Variants in ZNF57 observed in about 807,000 individuals in gnomAD.
ZNF57 encodes the protein zinc finger protein 424.
Under a neutral mutation model 13.4 loss-of-function variants are expected in ZNF57, and 11 were observed. That is an observed-to-expected ratio of 0.82 (90% CI 0.52 to 1.36). The LOEUF (loss-of-function observed/expected upper bound fraction) is 1.36. ZNF57 is among the 40% of genes most tolerant of loss of function. ZNF57 has a pLI of 0.00. For synonymous variants in ZNF57, 224 were observed against 238.5 expected (o/e 0.94, Z 0.56); for missense variants, 696 against 667.5 (o/e 1.04, Z -0.47).
At position 2,917,433 on chromosome 19, in the gene ZNF57, T is replaced by C. The variant is rs767937995; in HGVS notation, c.812T>C (p.Met271Thr). The C allele has an allele frequency of 6.2e-7, 1 of 1,614,168 alleles. No homozygotes were observed. Among genetic ancestry groups the C allele is most frequent in the South Asian group, 1.1e-5 (1 of 91,078 alleles). ...TATCCCTCGACATTTCAAAGACACA[T>C]GACAACACACACTGGAGAGAAGCCC... The part of the protein sequence containing the change: ...FIYPSTFQRH[M>T]TTHTGEKPYK... The change falls in exon 4 of 4, where the codon ATG (methionine) becomes ACG (threonine). Residue 271 changes from methionine to threonine, a missense_variant. Met to Thr is a moderately conservative substitution (Grantham distance 81). Coordinates refer to ENST00000306908, the MANE Select transcript of ZNF57 (RefSeq NM_173480.3).
At chr19:2,911,304 G>A (rs1346944499) in intron 1 of ZNF57, among the ~76,000 whole-genome samples, 1 of 152,116 alleles carries the variant, frequency 6.6e-6, no homozygotes, top group African/African-American at 2.4e-5. Flanking sequence ...GCCGAGGTGG[G>A]TGGATCACCT....
Position 2,917,105 on chromosome 19 carries a change from C to T in ZNF57, c.484C>T (p.His162Tyr). The change falls in exon 4 of 4, where the codon CAC (histidine) becomes TAC (tyrosine). Residue 162 changes from histidine to tyrosine, a missense_variant. Physicochemically the swap from His to Tyr is moderately conservative, Grantham distance 83 (BLOSUM62 2). This residue lies in a region of ZNF57 where 645 missense variants were observed against 591.5 expected (regional missense o/e 1.09). Coordinates refer to ENST00000306908, the MANE Select transcript of ZNF57 (RefSeq NM_173480.3). ...LSSLKRHVKSHCGRKAPPGEE... is the reference protein window; with the variant it reads ...LSSLKRHVKSYCGRKAPPGEE... The stretch of plus-strand genomic sequence containing the variant: ...TTCTCTTAAAAGGCACGTCAAGTCT[C>T]ACTGTGGACGAAAAGCACCTCCAGG... 4.3e-6 allele frequency: 7 copies of T among 1,614,048 alleles called. No individual in the cohort carries two copies. Among genetic ancestry groups the T allele is most frequent in the Non-Finnish European group, 5.9e-6 (7 of 1,179,900 alleles).
intron 1 of ZNF57, among the ~76,000 whole-genome samples, chr19:2,901,468 G>A (rs761031569): frequency 1.3e-5 from 2 of 152,150 alleles, no homozygotes; most frequent in African/African-American, 4.8e-5. Flanking sequence ...CAAGTGGGCT[G>A]AGTCTGAGAA....
At chr19:2,901,986 A>G (rs2088034225) in intron 1 of ZNF57, among the ~76,000 whole-genome samples, 1 of 151,978 alleles carries the variant, frequency 6.6e-6, no homozygotes, top group African/African-American at 2.4e-5. Flanking sequence ...GAATATTACA[A>G]AGTACCTTCA....
chr19:2,908,198 G>A (rs775269650), intron 1 of ZNF57, among the ~76,000 whole-genome samples: 1 of 152,158 alleles, frequency 6.6e-6, no homozygotes, highest in Non-Finnish European at 1.5e-5. Context: ...TCTTTGTTCT[G>A]TTGGGGTTTT....
chr19:2,914,534 C>A (rs1321533868), intron 1 of ZNF57, among the ~76,000 whole-genome samples: 1 of 152,178 alleles, frequency 6.6e-6, no homozygotes, highest in African/African-American at 2.4e-5. Flanking sequence ...GGATTACAGG[C>A]GTGAGCCACT....
intron 1 of ZNF57, among the ~76,000 whole-genome samples, chr19:2,902,702 C>G (rs2088040021): frequency 6.6e-6 from 1 of 152,126 alleles, no homozygotes. Context: ...ACCTGTAAAA[C>G]TGAGGCGTGT....
At position 2,916,067 on chromosome 19, in the gene ZNF57, T is replaced by C. The variant is rs766515801; in HGVS notation, c.131-11T>C. 3 of 1,604,070 alleles carry C rather than the reference T, an allele frequency of 1.9e-6. No individual in the cohort carries two copies. The South Asian group carries it at 3.3e-5, about 18-fold the overall frequency. On this transcript the variant is annotated splice_polypyrimidine_tract_variant and intron_variant, in intron 2 of 3. Coordinates refer to ENST00000306908, the MANE Select transcript of ZNF57 (RefSeq NM_173480.3). ...TATTCCTTTTGAGATTTGTTTACTT[T>C]TTTGTTGCAGATGATGGGACTCAAT...
Position 2,900,965 on chromosome 19 carries a change from C to A in ZNF57, c.-81C>A. On this transcript the variant is annotated 5_prime_UTR_variant, in exon 1 of 4. Transcript: ENST00000306908. Reference sequence around the variant, plus strand: ...CGTGCCCTGCCTACCACGAGCGGCCCGGGAGTACCTGTACCTTTCAGCTGC... The same window carrying A: ...CGTGCCCTGCCTACCACGAGCGGCCAGGGAGTACCTGTACCTTTCAGCTGC... 6.5e-7 allele frequency: 1 copy of A among 1,534,072 alleles called. No individual in the cohort carries two copies. Among genetic ancestry groups the A allele is most frequent in the Non-Finnish European group, 8.8e-7 (1 of 1,135,776 alleles).
chr19:2,904,629 C>T (rs754978250), intron 1 of ZNF57, among the ~76,000 whole-genome samples: 3 of 152,084 alleles, frequency 2.0e-5, no homozygotes, highest in Non-Finnish European at 4.4e-5. Context: ...GCAACCTCCA[C>T]CTCCCGGGTT....
chr19:2,905,285 C>T (rs1445981724), intron 1 of ZNF57, among the ~76,000 whole-genome samples: 1 of 151,816 alleles, frequency 6.6e-6, no homozygotes, highest in Non-Finnish European at 1.5e-5. Flanking sequence ...CTGCCTCAGC[C>T]TCCCGAGTAG....
intron 1 of ZNF57, among the ~76,000 whole-genome samples, 188 bp downstream of exon 1, chr19:2,901,236 C>T (rs890043790): frequency 1.6e-5 from 2 of 125,064 alleles, no homozygotes; most frequent in Non-Finnish European, 3.3e-5. Flanking sequence ...TTTGGGGGGA[C>T]GGAAGGGGCG....
intron 1 of ZNF57, among the ~76,000 whole-genome samples, chr19:2,908,404 CAT>C (rs976840860): frequency 1.3e-5 from 2 of 149,142 alleles, no homozygotes; most frequent in African/African-American, 2.5e-5. Flanking sequence ...GCTTTACTGA[CAT>C]ATAGAACGTA....
intron 1 of ZNF57, among the ~76,000 whole-genome samples, chr19:2,911,633 G>A (rs573239703): frequency 1.8e-3 from 281 of 151,980 alleles, no homozygotes; most frequent in African/African-American, 4.9e-3. Context: ...CAATCCTCCC[G>A]CCCCAGCCTC....
chr19:2,916,313 C>T, intron 3 of ZNF57, 64 bp downstream of exon 3: 1 of 1,363,628 alleles, frequency 7.3e-7, no homozygotes, highest in African/African-American at 1.5e-5. Flanking sequence ...AGTATTGCTC[C>T]AAATATAAGC....
rs1244751248 is a variant in ZNF57, at chr19:2,901,580, G to A, written c.3+532G>A. The stretch of plus-strand genomic sequence containing the variant: ...TCTGTCGCCAGGCTGGAGTGCAGTG[G>A]CGTGATCTCGGCTCACTGCAACTTC... On this transcript the variant is annotated intron_variant, in intron 1 of 3. Transcript: ENST00000306908. Among the ~76,000 whole-genome samples, 6 of 152,036 alleles carry A rather than the reference G, an allele frequency of 3.9e-5. No homozygotes were observed. The South Asian group carries it at 6.2e-4, about 16-fold the overall frequency.
rs2088117512 is a variant in ZNF57, at chr19:2,909,752, T to C, written c.4-5770T>C. ...TGTGTTGCCCAGGGTGATGTGAAAC[T>C]CCTGAGCTCAAGCAATCCTCCCACC... On this transcript the variant is annotated intron_variant, in intron 1 of 3. Coordinates refer to ENST00000306908, the MANE Select transcript of ZNF57 (RefSeq NM_173480.3). Among the ~76,000 whole-genome samples the C allele has an allele frequency of 4.3e-5, 2 of 46,986 alleles. 1 individual carries two copies. The highest frequency in any genetic ancestry group is 1.4e-3 in the South Asian group (2 of 1,442). The allele number at this position is 46,986 out of a possible 152,430, so 30.8% of individuals were successfully genotyped here. A position where few individuals can be genotyped will look rare whatever the true frequency, so the allele number is the denominator to read the frequency against.
intron 1 of ZNF57, among the ~76,000 whole-genome samples, chr19:2,913,088 G>C (rs577705433): frequency 2.5e-4 from 38 of 152,064 alleles, no homozygotes; most frequent in Non-Finnish European, 4.6e-4. Context: ...TGAGTAGCTG[G>C]GATTACAGGC....
intron 1 of ZNF57, among the ~76,000 whole-genome samples, chr19:2,909,275 A>ATTTTTTTTTTTTTTTTTT (rs1258331033): frequency 6.7e-5 from 7 of 103,786 alleles, no homozygotes; most frequent in East Asian, 3.3e-4. Context: ...TATTTTATTT[A>ATTTTTTTTTTTTTTTTTT]TTTTTGTTTT....
Sources: allele counts gnomAD v4.1 joint callset (sites outside exome capture counted in the v4.1 genomes callset), GRCh38; gene constraint gnomAD v4.1.1; regional missense constraint gnomAD v4.1.1; transcripts MANE v1.5; gene names NCBI Gene and HGNC (gene_info 2026-07-23, HGNC 2026-07-21).